PCDHGA3: variants seen among roughly 807,000 people sequenced by gnomAD.
PCDHGA3 encodes protocadherin gamma subfamily A, 3, also known as protocadherin gamma-A3.
PCDHGA3 carries 40 observed loss-of-function variants against 58.5 expected under a neutral mutation model. The observed-to-expected ratio is 0.68, with a 90% CI of 0.53 to 0.89. PCDHGA3 has a LOEUF of 0.89. Among genes scored for constraint, PCDHGA3 ranks in the 40% least tolerant of loss-of-function variants. PCDHGA3 has a pLI of 0.00. For synonymous variants in PCDHGA3, 530 were observed against 525.7 expected, an observed-to-expected ratio of 1.01 and a Z score of -0.11; for missense variants, 1,223 against 1,195.9, an observed-to-expected ratio of 1.02 and a Z score of -0.33.
rs2154532733 is a variant in PCDHGA3, at chr5:141,403,281, T to C, written c.2424+56824T>C. ...TGTCTGGTGAACTTTAAAGTCCTGGTTGAAGACAGAGTGAAACTGTACGGA... is the reference window on the plus strand; with the variant it reads ...TGTCTGGTGAACTTTAAAGTCCTGGCTGAAGACAGAGTGAAACTGTACGGA... On this transcript the variant is annotated intron_variant, in intron 1 of 3. Transcript: ENST00000253812. The C allele has an allele frequency of 2.5e-6, 4 of 1,613,908 alleles. No individual in the cohort carries two copies. Among genetic ancestry groups the C allele is most frequent in the African/African-American group, 1.3e-5 (1 of 75,080 alleles).
chr5:141,381,901 C>T (rs1036292864), intron 1 of PCDHGA3, among the ~76,000 whole-genome samples: 24 of 130,248 alleles, frequency 1.8e-4, no homozygotes, highest in African/African-American at 6.8e-4. Flanking sequence ...GTGATCTCGG[C>T]TCACCACAAC....
At chr5:141,419,796 T>C (rs1334397368) in intron 1 of PCDHGA3, 1 of 1,614,026 alleles carries the variant, frequency 6.2e-7, no homozygotes, top group Admixed American at 1.7e-5. Flanking sequence ...CTAGTCGCTG[T>C]AAGAGATGGA....
chr5:141,433,365 A>ATCTG, intron 1 of PCDHGA3: 1 of 523,830 alleles, frequency 1.9e-6, no homozygotes, highest in East Asian at 3.1e-5. Context: ...CTGCCTATCT[A>ATCTG]TCTATCTATC....
At chr5:141,360,985 G>A (rs762015105) in intron 1 of PCDHGA3, 3 of 1,613,644 alleles carry the variant, frequency 1.9e-6, no homozygotes, top group East Asian at 4.5e-5. Flanking sequence ...CTTTCATAAT[G>A]TGGACGAACA....
intron 1 of PCDHGA3, chr5:141,390,508 T>C (rs2092164423): frequency 5.1e-6 from 3 of 589,420 alleles, no homozygotes; most frequent in Non-Finnish European, 8.8e-6. Flanking sequence ...AGCTTAGATT[T>C]ATAAAGCAAT....
At chr5:141,374,056 T>A in intron 1 of PCDHGA3, 1 of 1,485,728 alleles carries the variant, frequency 6.7e-7, no homozygotes, top group Non-Finnish European at 8.9e-7. Context: ...CTCTTCTTAA[T>A]CCCAGAGAAG....
intron 1 of PCDHGA3, chr5:141,362,674 AT>A: frequency 8.0e-7 from 1 of 1,246,856 alleles, no homozygotes; most frequent in Non-Finnish European, 1.1e-6. Flanking sequence ...TTGTGCCTTA[AT>A]TGTCTTAATC....
Position 141,431,592 on chromosome 5 carries a change from G to A in PCDHGA3, c.2425-63215G>A, listed in dbSNP as rs1429358254. 2.5e-6 allele frequency: 4 copies of A among 1,614,100 alleles called. No individual in the cohort carries two copies. The Admixed American group carries it at 6.7e-5, about 27-fold the overall frequency. The stretch of plus-strand genomic sequence containing the variant: ...GACGAAGGAGTCAATGCGGAAGTGA[G>A]GTATTCCTTCCGGTATGTGGACGAC... On this transcript the variant is annotated intron_variant, in intron 1 of 3. Transcript: ENST00000253812. The surrounding 1 kb of genome is among the most constrained non-coding windows in gnomAD (Gnocchi z 4.8).
At chr5:141,356,429 T>C (rs1349646142) in intron 1 of PCDHGA3, 4 of 1,608,900 alleles carry the variant, frequency 2.5e-6, no homozygotes, top group African/African-American at 1.3e-5. Flanking sequence ...CACAGAACAC[T>C]GGACAGGGAA....
At position 141,487,033 on chromosome 5, in the gene PCDHGA3, A is replaced by C. The variant is rs1465525110; in HGVS notation, c.2425-7774A>C. ...AGGCCCCAGATCCCAGCCTGTTTGC[A>C]GTCTCTCGATATGCTGGGGAGGTGC... On this transcript the variant is annotated intron_variant, in intron 1 of 3. Transcript: ENST00000253812. This position sits in a 1 kb window ranked among gnomAD's most constrained non-coding sequence, Gnocchi z 5.0. 3 of 1,614,160 alleles carry C rather than the reference A, an allele frequency of 1.9e-6. No individual in the cohort carries two copies. Among genetic ancestry groups the C allele is most frequent in the Non-Finnish European group, 2.5e-6 (3 of 1,180,032 alleles).
At chr5:141,365,653 A>G in intron 1 of PCDHGA3, 4 of 1,613,620 alleles carry the variant, frequency 2.5e-6, no homozygotes, top group Non-Finnish European at 3.4e-6. Context: ...TCCCCTTGAA[A>G]GTAGCAGACG....
intron 1 of PCDHGA3, chr5:141,441,551 T>C (rs2098254450): frequency 5.4e-6 from 1 of 184,050 alleles, no homozygotes; most frequent in African/African-American, 2.4e-5. Flanking sequence ...GCCTCCATAG[T>C]GTGCAAGTAG....
In PCDHGA3 at chr5:141,477,472, C is replaced by T. The variant is rs764533834; in HGVS notation, c.2425-17335C>T. 1 of 1,614,156 alleles carries T rather than the reference C, an allele frequency of 6.2e-7. No homozygotes were observed. Among genetic ancestry groups the T allele is most frequent in the South Asian group, 1.1e-5 (1 of 91,080 alleles). Reference sequence around the variant, plus strand: ...GTGTTCAAGTGTCCGACATCAATGACAACCCTCCACAATCTTCTCAATCTT... The same window carrying T: ...GTGTTCAAGTGTCCGACATCAATGATAACCCTCCACAATCTTCTCAATCTT... On this transcript the variant is annotated intron_variant, in intron 1 of 3. Transcript: ENST00000253812. This position sits in a 1 kb window ranked among gnomAD's most constrained non-coding sequence, Gnocchi z 4.9.
In PCDHGA3 at chr5:141,461,039, C is replaced by T. The variant is rs1026091108; in HGVS notation, c.2425-33768C>T. On this transcript the variant is annotated intron_variant, in intron 1 of 3. Coordinates refer to ENST00000253812, the MANE Select transcript of PCDHGA3 (RefSeq NM_018916.4). ...ACATTTTCTTTATCCACTCATTAGT[C>T]GATGGGGACTTAGGTTGGTTTCACA... is the stretch of plus-strand genomic sequence containing the variant. 2.7e-5 allele frequency among the ~76,000 whole-genome samples: 4 copies of T among 150,906 alleles called. No homozygotes were observed. In the East Asian group the frequency reaches 7.8e-4, roughly 29 times the overall value.
At chr5:141,383,416 A>G in intron 1 of PCDHGA3, 1 of 1,613,856 alleles carries the variant, frequency 6.2e-7, no homozygotes, top group Non-Finnish European at 8.5e-7. Flanking sequence ...TTACCAGCTC[A>G]GCCCCAATCG....
chr5:141,399,036 G>A, intron 1 of PCDHGA3: 1 of 1,613,800 alleles, frequency 6.2e-7, no homozygotes, highest in African/African-American at 1.3e-5. Context: ...AAAAGAAACT[G>A]GATTTTGAAG....
chr5:141,351,481 C>A, intron 1 of PCDHGA3: 1 of 1,613,934 alleles, frequency 6.2e-7, no homozygotes, highest in South Asian at 1.1e-5. Context: ...GAGCCCTAAA[C>A]CGGGAGCAGA....
At chr5:141,472,295 A>G (rs147192748) in intron 1 of PCDHGA3, among the ~76,000 whole-genome samples, 8,225 of 152,254 alleles carry the variant, frequency 0.054, 462 homozygotes, top group African/African-American at 0.15. Flanking sequence ...TAATCCCAGC[A>G]CTTTGGGAAG....
At chr5:141,394,493 C>G in intron 1 of PCDHGA3, 1 of 1,614,222 alleles carries the variant, frequency 6.2e-7, no homozygotes, top group Non-Finnish European at 8.5e-7. Flanking sequence ...ACAACGCGCC[C>G]GAGATCCTGT....
Sources: gnomAD v4.1 joint callset for allele counts (sites outside exome capture counted in the v4.1 genomes callset) on GRCh38, gnomAD v4.1.1 for gene constraint, Gnocchi (gnomAD v3.1) non-coding constraint, MANE v1.5 for transcripts, NCBI Gene and HGNC (gene_info 2026-07-23, HGNC 2026-07-21) for gene names.